AP1G1: variants seen among roughly 807,000 people sequenced by gnomAD.
The protein encoded by AP1G1 is AP-1 complex subunit gamma-1.
AP1G1 carries 7 observed loss-of-function variants against 108.3 expected under a neutral mutation model. The ratio of observed to expected loss-of-function variants is 0.06; its 90% CI spans 0.04 to 0.12. AP1G1 has a LOEUF of 0.12. Among genes scored for constraint, AP1G1 ranks in the 10% least tolerant of loss-of-function variants. AP1G1 has a pLI of 1.00. For missense variants in AP1G1, 756 were observed against 1,010.7 expected (o/e 0.75, Z 3.42); for synonymous variants, 379 against 353.5 (o/e 1.07, Z -0.81).
At position 71,764,704 on chromosome 16, in the gene AP1G1, C is replaced by T; in HGVS notation, c.761G>A (p.Arg254Lys). The T allele has an allele frequency of 6.2e-7, 1 of 1,611,586 alleles. No individual in the cohort carries two copies. Among genetic ancestry groups the T allele is most frequent in the Non-Finnish European group, 8.5e-7 (1 of 1,179,318 alleles). Residue 254 changes from arginine to lysine, a missense_variant, in exon 8 of 23, where the codon AGA (arginine) becomes AAA (lysine). Around this residue, in one of 3 missense-constraint regions of AP1G1, gnomAD observed 304 missense variants for 483.6 expected, o/e 0.63. Transcript: ENST00000299980. ...FLQVRILRLL[R>K]ILGRNDDDSS... is the part of the protein sequence containing the mutation. The stretch of plus-strand genomic sequence containing the variant: ...ATCATCATCATTTCGTCCTAAAATT[C>T]TTAATAACCGCAAAATTCGTACCTA...
In AP1G1 at chr16:71,748,344, C is replaced by G. The variant is rs915980014; in HGVS notation, c.1532G>C (p.Ser511Thr). The G allele has an allele frequency of 1.4e-5, 23 of 1,613,288 alleles. No individual in the cohort carries two copies. Among genetic ancestry groups the G allele is most frequent in the African/African-American group, 2.7e-5 (2 of 74,846 alleles). Residue 511 changes from serine (S) to threonine (T), a missense_variant, in exon 16 of 23, where the codon AGT (serine) becomes ACT (threonine). Ser to Thr is a moderately conservative substitution (Grantham distance 58). This residue lies in a region of AP1G1 where 357 missense variants were observed against 366.5 expected (regional missense o/e 0.97). Coordinates refer to ENST00000299980, the MANE Select transcript of AP1G1 (RefSeq NM_001128.6). ...TEDEVLDILESVLISNMSTSV... is the reference protein window; with the variant it reads ...TEDEVLDILETVLISNMSTSV... ...GGTGGACATATTAGAGATTAGGACACTTTCTAAAATATCCAACACTTCATC... is the reference window on the plus strand; with the variant it reads ...GGTGGACATATTAGAGATTAGGACAGTTTCTAAAATATCCAACACTTCATC...
rs1028485409 is a variant in AP1G1 at position 71,732,441 on chromosome 16, T to C, written c.*617A>G. On this transcript the variant is annotated 3_prime_UTR_variant, in exon 23 of 23. Coordinates refer to ENST00000299980, the MANE Select transcript of AP1G1 (RefSeq NM_001128.6). ...ACCAGTTCTTGGTAACAAACATACA[T>C]GTGTGTGTCTGTGTGTATACAGCAA... The C allele has an allele frequency of 1.3e-5, 2 of 152,524 alleles. No individual in the cohort carries two copies. The highest frequency in any genetic ancestry group is 2.9e-5 in the Non-Finnish European group (2 of 68,090). The allele number at this position is 152,524 out of a possible 1,614,324, so 9.4% of individuals were successfully genotyped here.
chr16:71,787,754 G>C (rs2032259787), intron 2 of AP1G1, among the ~76,000 whole-genome samples: 1 of 152,092 alleles, frequency 6.6e-6, no homozygotes, highest in Non-Finnish European at 1.5e-5. Flanking sequence ...ATCAATTTTT[G>C]ATGTGGTAAA....
intron 21 of AP1G1, among the ~76,000 whole-genome samples, chr16:71,736,210 A>G (rs1266483115): frequency 6.8e-6 from 1 of 147,908 alleles, no homozygotes; most frequent in African/African-American, 2.5e-5. Context: ...CATTACTACC[A>G]TATTTCATTA....
chr16:71,735,454 G>GAGTTCGAGACCAGC (rs1293217568), intron 21 of AP1G1, among the ~76,000 whole-genome samples: 2 of 152,120 alleles, frequency 1.3e-5, no homozygotes, highest in African/African-American at 4.8e-5. Context: ...ACGAGGTCAG[G>GAGTTCGAGACCAGC]AGTTCGAGAC....
At chr16:71,774,842 T>C (rs2031715043) in intron 2 of AP1G1, among the ~76,000 whole-genome samples, 1 of 151,790 alleles carries the variant, frequency 6.6e-6, no homozygotes, top group South Asian at 2.1e-4. Flanking sequence ...TGCCTCAGCC[T>C]CCCGAGTAGC....
chr16:71,800,287 C>T (rs1460930475), intron 1 of AP1G1, among the ~76,000 whole-genome samples: 3 of 147,260 alleles, frequency 2.0e-5, no homozygotes, highest in Non-Finnish European at 4.5e-5. Context: ...AGGAGAATGG[C>T]GTGAACCCAG....
At chr16:71,756,434 C>T (rs1327880387) in intron 11 of AP1G1, 1 of 280,886 alleles carries the variant, frequency 3.6e-6, no homozygotes, top group Non-Finnish European at 6.5e-6. Context: ...TTGGGTTCAA[C>T]AGGCTGTTCT....
At position 71,729,416 on chromosome 16, in the gene AP1G1, A is replaced by C. The variant is rs1318212163; in HGVS notation, c.*3642T>G. 7.0e-6 allele frequency: 1 copy of C among 142,612 alleles called. No homozygotes were observed. The highest frequency in any genetic ancestry group is 2.3e-4 in the East Asian group (1 of 4,408). The allele number at this position is 142,612 out of a possible 1,614,324, so 8.8% of individuals were successfully genotyped here. ...AACAAAACACACAAAGCGCAACCGC[A>C]GGTTCTTTGAGGGAAGAAAAAAAAA... On this transcript the variant is annotated 3_prime_UTR_variant, in exon 23 of 23. Transcript: ENST00000299980.
At chr16:71,804,815 G>C (rs991374117) in intron 1 of AP1G1, among the ~76,000 whole-genome samples, 3 of 152,054 alleles carry the variant, frequency 2.0e-5, no homozygotes, top group African/African-American at 4.8e-5. Context: ...CCAGGAATTT[G>C]AAACCAGCCT....
At chr16:71,782,785 C>T (rs946456480) in intron 2 of AP1G1, among the ~76,000 whole-genome samples, 2 of 151,996 alleles carry the variant, frequency 1.3e-5, no homozygotes, top group African/African-American at 2.4e-5. Context: ...CATGCCCAGC[C>T]GATTATTATT....
At chr16:71,744,639 G>C (rs1028378648) in intron 19 of AP1G1, among the ~76,000 whole-genome samples, 1 of 142,318 alleles carries the variant, frequency 7.0e-6, no homozygotes, top group South Asian at 2.4e-4. Flanking sequence ...ACACTGGCGC[G>C]ATCTCGGCTC....
At chr16:71,752,293 T>A (rs983804847) in intron 13 of AP1G1, among the ~76,000 whole-genome samples, 13 of 152,216 alleles carry the variant, frequency 8.5e-5, no homozygotes, top group South Asian at 4.1e-4. Context: ...TTCATCATTA[T>A]GTTAATTACA....
intron 9 of AP1G1, among the ~76,000 whole-genome samples, chr16:71,762,173 A>G (rs2031117906): frequency 2.0e-5 from 3 of 152,124 alleles, no homozygotes; most frequent in African/African-American, 7.2e-5. Flanking sequence ...ATGGAATGTC[A>G]CGCAGCCATT....
rs557516031 is a variant in AP1G1 at position 71,783,682 on chromosome 16, G to A, written c.201+5597C>T. ...CAGGTAATTGGGTATGGCAAGCAAG[G>A]CTAGAACTGAGGAAAAACAGAATCA... On this transcript the variant is annotated intron_variant, in intron 2 of 22. Transcript: ENST00000299980. Among the ~76,000 whole-genome samples the A allele has an allele frequency of 5.9e-5, 9 of 152,272 alleles. No individual in the cohort carries two copies. In the East Asian group the frequency reaches 1.7e-3, roughly 29 times the overall value.
chr16:71,808,429 G>C, intron 1 of AP1G1: 1 of 1,168,678 alleles, frequency 8.6e-7, no homozygotes, highest in Non-Finnish European at 1.1e-6. Context: ...GGCCCGCCCC[G>C]CTAAACCCCA....
intron 4 of AP1G1, 131 bp downstream of exon 4, chr16:71,773,090 T>C (rs2031639523): frequency 2.1e-6 from 2 of 969,000 alleles, no homozygotes; most frequent in Non-Finnish European, 3.2e-6. Flanking sequence ...TATATAATCA[T>C]GTAAAACAGA....
At chr16:71,749,579 G>A (rs2030375542) in intron 15 of AP1G1, among the ~76,000 whole-genome samples, 1 of 151,934 alleles carries the variant, frequency 6.6e-6, no homozygotes, top group Admixed American at 6.6e-5. Context: ...TCTTTAAAAA[G>A]TTGGGTATTT....
intron 2 of AP1G1, among the ~76,000 whole-genome samples, chr16:71,784,450 C>T (rs566043932): frequency 2.0e-5 from 3 of 152,310 alleles, no homozygotes; most frequent in Admixed American, 2.0e-4. Context: ...GCTCTAAATG[C>T]TTCCTTTTTC....
Sources: allele counts gnomAD v4.1 joint callset (sites outside exome capture counted in the v4.1 genomes callset), GRCh38; gene constraint gnomAD v4.1.1; regional missense constraint gnomAD v4.1.1; transcripts MANE v1.5; gene names NCBI Gene and HGNC (gene_info 2026-07-23, HGNC 2026-07-21).